The following NUP58 variants were observed in gnomAD, a reference collection of about 807,000 sequenced individuals.
NUP58 encodes nucleoporin p58/p45.
NUP58 carries 17 observed loss-of-function variants against 70.1 expected under a neutral mutation model. That is an observed-to-expected ratio of 0.24 (90% confidence interval 0.17 to 0.36). The LOEUF is 0.36. NUP58 is among the 10% of genes least tolerant of loss of function. NUP58 has a pLI of 1.00. For synonymous variants in NUP58, 275 were observed against 257.6 expected, an observed-to-expected ratio of 1.07 and a Z score of -0.65; for missense variants, 644 against 701.5, an observed-to-expected ratio of 0.92 and a Z score of 0.93.
intron 1 of NUP58, chr13:25,303,103 T>C (rs925054022): frequency 2.2e-6 from 1 of 456,144 alleles, no homozygotes; most frequent in Non-Finnish European, 4.4e-6. Context: ...TTGTTTTAGA[T>C]GAAAACTACT....
Position 25,312,806 on chromosome 13 carries a change from GA to G in NUP58, c.287-74del. The G allele has an allele frequency of 2.1e-6, 3 of 1,408,116 alleles. No homozygotes were observed. In the South Asian group the frequency reaches 4.0e-5, roughly 19 times the overall value. 87.2% of individuals were successfully genotyped at this position (1,408,116 alleles called of 1,614,324 possible). On this transcript the variant is annotated intron_variant, in intron 3 of 15. Coordinates refer to ENST00000381736, the MANE Select transcript of NUP58 (RefSeq NM_014089.4). ...TCATGAACTTTTAAGGATCCTTATT[GA>G]AACCAGTATAATAGAACACTTACAG...
chr13:25,310,542 T>TTG (rs2030613903), intron 3 of NUP58, among the ~76,000 whole-genome samples: 1 of 141,406 alleles, frequency 7.1e-6, no homozygotes. Flanking sequence ...TTTTTTTTTT[T>TTG]GGTAGAGACA....
At chr13:25,312,450 C>T (rs2030715213) in intron 3 of NUP58, among the ~76,000 whole-genome samples, 1 of 152,184 alleles carries the variant, frequency 6.6e-6, no homozygotes, top group African/African-American at 2.4e-5. Context: ...TCACTGCAAC[C>T]TCCCCCTCCC....
chr13:25,318,214 G>A (rs906499049), intron 6 of NUP58, among the ~76,000 whole-genome samples: 5 of 152,022 alleles, frequency 3.3e-5, no homozygotes, highest in African/African-American at 1.2e-4. Flanking sequence ...TGTAATCCCA[G>A]CTACTCGGGA....
chr13:25,321,259 C>G (rs1042904740), intron 9 of NUP58, among the ~76,000 whole-genome samples, 166 bp downstream of exon 9: 1 of 151,952 alleles, frequency 6.6e-6, no homozygotes, highest in Non-Finnish European at 1.5e-5. Flanking sequence ...TTTTATTAAG[C>G]GTTTTCTGTA....
At chr13:25,312,135 CAG>C (rs565243452) in intron 3 of NUP58, among the ~76,000 whole-genome samples, 133 of 151,664 alleles carry the variant, frequency 8.8e-4, no homozygotes, top group African/African-American at 3.1e-3. Flanking sequence ...AAGACATGAA[CAG>C]AGGAAAGAGA....
At chr13:25,325,295 T>TA (rs759418182) in intron 10 of NUP58, among the ~76,000 whole-genome samples, 11 of 152,208 alleles carry the variant, frequency 7.2e-5, no homozygotes, top group Admixed American at 6.5e-5. Context: ...TCACCACTAT[T>TA]ACGCATTTAT....
Position 25,308,318 on chromosome 13 carries a change from A to G in NUP58, c.250+370A>G, listed in dbSNP as rs547598831. On this transcript the variant is annotated intron_variant, in intron 2 of 15. Transcript: ENST00000381736. ...TAATTTCTATTTTTTTTCTTTTTTT[A>G]GATACACAGTCTTGCTCTGTTGTCT... Among the ~76,000 whole-genome samples the G allele has an allele frequency of 3.9e-5, 6 of 151,920 alleles. No individual in the cohort carries two copies. In the South Asian group the frequency reaches 1.2e-3, roughly 32 times the overall value.
At chr13:25,335,164 A>C (rs1486715750) in intron 13 of NUP58, 1 of 985,378 alleles carries the variant, frequency 1.0e-6, no homozygotes, top group Non-Finnish European at 1.2e-6. Context: ...GTGAAGGTAC[A>C]AAACTAAAAA....
chr13:25,344,013 A>G (rs940633209), downstream of NUP58, among the ~76,000 whole-genome samples: 2 of 151,964 alleles, frequency 1.3e-5, no homozygotes, highest in African/African-American at 4.8e-5. Context: ...TGCTATACAA[A>G]TATATACTCC....
At chr13:25,305,036 TTTC>T (rs2030251461) in intron 1 of NUP58, among the ~76,000 whole-genome samples, 1 of 152,110 alleles carries the variant, frequency 6.6e-6, no homozygotes, top group African/African-American at 2.4e-5. Flanking sequence ...CTCACTTAGG[TTTC>T]TGTGTGTGTG....
At chr13:25,332,039 A>G (rs1033522136) in intron 13 of NUP58, 7 of 1,008,246 alleles carry the variant, frequency 6.9e-6, no homozygotes, top group Non-Finnish European at 8.3e-6. Flanking sequence ...GACTGAAGGT[A>G]TGTTGAAGAT....
chr13:25,345,587 G>T (rs1171370627), downstream of NUP58, among the ~76,000 whole-genome samples: 2 of 151,956 alleles, frequency 1.3e-5, no homozygotes, highest in African/African-American at 2.4e-5. Flanking sequence ...GGGGCGGTGG[G>T]GGGGGGTCTG....
chr13:25,304,169 T>A (rs2137701720), intron 1 of NUP58, among the ~76,000 whole-genome samples: 1 of 152,178 alleles, frequency 6.6e-6, no homozygotes, highest in South Asian at 2.1e-4. Context: ...TTAGCTATTA[T>A]GTTAGCTACC....
At chr13:25,309,101 A>G (rs1256838848) in intron 2 of NUP58, 146 bp from the exon 3 acceptor site, 6 of 618,820 alleles carry the variant, frequency 9.7e-6, no homozygotes, top group African/African-American at 1.9e-5. Flanking sequence ...ATGCGTGATT[A>G]GTGGCAGATA....
intron 1 of NUP58, among the ~76,000 whole-genome samples, chr13:25,305,338 G>T (rs982959694): frequency 1.3e-5 from 2 of 151,698 alleles, no homozygotes; most frequent in African/African-American, 2.4e-5. Flanking sequence ...GAAGTTTTTT[G>T]TTGTTGTTTT....
At chr13:25,326,294 G>GA (rs143378079) in intron 10 of NUP58, among the ~76,000 whole-genome samples, 3,205 of 151,416 alleles carry the variant, frequency 0.021, 128 homozygotes, top group African/African-American at 0.075. Context: ...ATTGTTTACT[G>GA]AAAGACATTC....
chr13:25,309,152 C>T lies in NUP58; in HGVS notation c.251-95C>T. ...TTCTAATTAGAAGTGTTGTCACTCC[C>T]TGAGGGTGATTTTAAGTCTTTCCCT... On this transcript the variant is annotated intron_variant, in intron 2 of 15. Transcript: ENST00000381736. 4.5e-6 allele frequency: 4 copies of T among 888,570 alleles called. No homozygotes were observed. The East Asian group carries it at 7.5e-5, about 17-fold the overall frequency. The allele number at this position is 888,570 out of a possible 1,614,324, so 55.0% of individuals were successfully genotyped here.
In NUP58 at chr13:25,332,795, G is replaced by C. The variant is rs1008309742; in HGVS notation, c.1435+1237G>C. ...CTGGAGTGTAGGATTGCATTGTTAA[G>C]TTATGGAGGGAAAAAGTCATTATGG... On this transcript the variant is annotated intron_variant, in intron 13 of 15. Coordinates refer to ENST00000381736, the MANE Select transcript of NUP58 (RefSeq NM_014089.4). 9.1e-6 allele frequency: 9 copies of C among 985,272 alleles called. No individual in the cohort carries two copies. In the African/African-American group the frequency reaches 1.0e-4, roughly 11 times the overall value. The allele number at this position is 985,272 out of a possible 1,614,324, so 61.0% of individuals were successfully genotyped here.
Sources: allele counts gnomAD v4.1 joint callset (sites outside exome capture counted in the v4.1 genomes callset), GRCh38; gene constraint gnomAD v4.1.1; transcripts MANE v1.5; gene names NCBI Gene and HGNC (gene_info 2026-07-23, HGNC 2026-07-21).